Variants in AFG2A observed in about 807,000 individuals in gnomAD.
The protein encoded by AFG2A is AAA ATPase AFG2A.
At chr4:123,281,130 C>G in the AFG2A span, among the ~76,000 whole-genome samples, 1 of 151,604 alleles carries the variant, frequency 6.6e-6, no homozygotes, top group Non-Finnish European at 1.5e-5. Context: ...AGTTGAAACT[C>G]TAAAGATACA....
chr4:123,314,155 C>A, the AFG2A span: 1 of 1,148,874 alleles, frequency 8.7e-7, no homozygotes, highest in Middle Eastern at 2.3e-4. Context: ...AAAAATTTTA[C>A]TAGGCAAAAT....
At chr4:123,174,116 CT>C in the AFG2A span, among the ~76,000 whole-genome samples, 1 of 152,186 alleles carries the variant, frequency 6.6e-6, no homozygotes, top group Non-Finnish European at 1.5e-5. Flanking sequence ...AAGCTATATA[CT>C]GTCAATAGTT....
chr4:123,208,437 T>C, the AFG2A span, among the ~76,000 whole-genome samples: 2 of 152,306 alleles, frequency 1.3e-5, no homozygotes, highest in African/African-American at 4.8e-5. Flanking sequence ...TAATGGAACC[T>C]CTTGGCTTAT....
chr4:123,298,909 T>C, the AFG2A span, among the ~76,000 whole-genome samples: 1 of 152,234 alleles, frequency 6.6e-6, no homozygotes, highest in Non-Finnish European at 1.5e-5. Flanking sequence ...TGTTTCAGCA[T>C]GTAAAATCTC....
the AFG2A span, among the ~76,000 whole-genome samples, chr4:123,227,844 C>CT: frequency 2.0e-5 from 3 of 152,074 alleles, no homozygotes; most frequent in African/African-American, 7.2e-5. Context: ...GTGTGGGAGT[C>CT]TAAGTCTCTT....
At chr4:123,143,177 T>C in the AFG2A span, among the ~76,000 whole-genome samples, 1 of 149,978 alleles carries the variant, frequency 6.7e-6, no homozygotes, top group African/African-American at 2.5e-5. Context: ...TTATTAGTTT[T>C]TCCAGAAAAA....
the AFG2A span, among the ~76,000 whole-genome samples, chr4:123,006,128 C>T: frequency 5.2e-4 from 78 of 149,144 alleles, no homozygotes; most frequent in Non-Finnish European, 9.2e-4. Context: ...TATCTGAAAA[C>T]GTATTTTGTT....
chr4:123,222,106 C>T, the AFG2A span, among the ~76,000 whole-genome samples: 1 of 152,058 alleles, frequency 6.6e-6, no homozygotes, highest in South Asian at 2.1e-4. Flanking sequence ...CTGGCTTTTA[C>T]TTATTTGTAT....
chr4:122,998,464 C>T, the AFG2A span, among the ~76,000 whole-genome samples: 124,776 of 150,118 alleles, frequency 0.83, 53,019 homozygotes, highest in East Asian at 0.96. Flanking sequence ...CTCCCCACTC[C>T]CCCCACCCCA....
chr4:123,101,734 G>A, the AFG2A span, among the ~76,000 whole-genome samples: 1 of 151,972 alleles, frequency 6.6e-6, no homozygotes, highest in South Asian at 2.1e-4. Context: ...CACAACATTG[G>A]AAAGGAGCTT....
the AFG2A span, among the ~76,000 whole-genome samples, chr4:123,291,872 T>C: frequency 2.4e-4 from 36 of 152,234 alleles, no homozygotes; most frequent in Non-Finnish European, 3.2e-4. Flanking sequence ...GCAATGAATC[T>C]CCTAGGAGTT....
the AFG2A span, among the ~76,000 whole-genome samples, chr4:122,932,641 G>A: frequency 6.6e-6 from 1 of 152,196 alleles, no homozygotes; most frequent in Non-Finnish European, 1.5e-5. Context: ...AACTCCTCAA[G>A]AGCAGATTTC....
chr4:123,132,299 C>T, the AFG2A span, among the ~76,000 whole-genome samples: 1 of 152,092 alleles, frequency 6.6e-6, no homozygotes, highest in African/African-American at 2.4e-5. Flanking sequence ...TTTCCCAACC[C>T]TTAGGTCCCA....
the AFG2A span, among the ~76,000 whole-genome samples, chr4:123,058,878 C>T: frequency 6.6e-6 from 1 of 152,188 alleles, no homozygotes; most frequent in Admixed American, 6.5e-5. Flanking sequence ...TCAACAGTCC[C>T]TCAAAGTCTT....
chr4:123,314,833 G>A, the AFG2A span: 2,587 of 149,732 alleles, frequency 0.017, 69 homozygotes, highest in African/African-American at 0.06. Context: ...TTGGCTCACT[G>A]CAACCTCCGC....
chr4:123,043,971 C>G, the AFG2A span, among the ~76,000 whole-genome samples: 9 of 152,202 alleles, frequency 5.9e-5, no homozygotes, highest in Non-Finnish European at 1.3e-4. Flanking sequence ...GACCTTTGCT[C>G]TTGACCAGTC....
the AFG2A span, among the ~76,000 whole-genome samples, chr4:122,949,794 T>A: frequency 6.6e-6 from 1 of 152,214 alleles, no homozygotes; most frequent in Non-Finnish European, 1.5e-5. Context: ...CATGAGAGGA[T>A]GTTCATCCCC....
chr4:123,304,367 T>C, the AFG2A span, among the ~76,000 whole-genome samples: 1 of 152,152 alleles, frequency 6.6e-6, no homozygotes, highest in Non-Finnish European at 1.5e-5. Context: ...GCACCTCCAG[T>C]GCATGTGTTC....
the AFG2A span, among the ~76,000 whole-genome samples, chr4:123,247,461 G>A: frequency 1.3e-5 from 2 of 152,092 alleles, no homozygotes; most frequent in African/African-American, 4.8e-5. Context: ...GTCTCACCCT[G>A]TCACTTAGGC....
Sources: allele counts gnomAD v4.1 joint callset (sites outside exome capture counted in the v4.1 genomes callset), GRCh38; gene constraint gnomAD v4.1.1; transcripts MANE v1.5; gene names NCBI Gene and HGNC (gene_info 2026-07-23, HGNC 2026-07-21).